Variants in SUSD1 observed in about 807,000 individuals in gnomAD.
The protein encoded by SUSD1 is sushi domain containing 1.
SUSD1 carries 65 observed loss-of-function variants against 86.9 expected under a neutral mutation model. The observed-to-expected ratio is 0.75, with a 90% CI of 0.61 to 0.92. The LOEUF is 0.92. Ranked by LOEUF, SUSD1 falls within the 40% of genes least tolerant of loss-of-function variation. The pLI is 0.00. For missense variants in SUSD1, 850 were observed against 929.7 expected (o/e 0.91, Z 1.11); for synonymous variants, 346 against 350.0 (o/e 0.99, Z 0.13).
chr9:112,157,444 A>C, intron 2 of SUSD1, 56 bp downstream of exon 2: 7 of 1,274,438 alleles, frequency 5.5e-6, no homozygotes, highest in Non-Finnish European at 7.9e-6. Context: ...CTTTAATACA[A>C]GAGAATCTTG....
intron 12 of SUSD1, among the ~76,000 whole-genome samples, chr9:112,068,610 G>C (rs796538715): frequency 1.5e-4 from 23 of 151,920 alleles, no homozygotes; most frequent in African/African-American, 5.6e-4. Flanking sequence ...GCCAAGGTGG[G>C]AGGATTGCTT....
chr9:112,082,735 T>G (rs1041272714), intron 10 of SUSD1, among the ~76,000 whole-genome samples: 8 of 152,148 alleles, frequency 5.3e-5, no homozygotes, highest in Non-Finnish European at 1.0e-4. Flanking sequence ...TTTGTTTTTT[T>G]GAGACAGGGT....
intron 14 of SUSD1, among the ~76,000 whole-genome samples, 196 bp downstream of exon 14, chr9:112,058,232 C>T (rs1210943757): frequency 6.6e-6 from 1 of 152,148 alleles, no homozygotes; most frequent in African/African-American, 2.4e-5. Flanking sequence ...CAGCAAGGTC[C>T]CCAGGTGGTT....
intron 6 of SUSD1, among the ~76,000 whole-genome samples, chr9:112,114,688 T>C (rs1158142138): frequency 6.6e-6 from 1 of 152,182 alleles, no homozygotes; most frequent in Non-Finnish European, 1.5e-5. Flanking sequence ...GGATGGGTTT[T>C]GACAACATGA....
chr9:112,114,556 T>A (rs1037171259), intron 6 of SUSD1, among the ~76,000 whole-genome samples: 2 of 152,142 alleles, frequency 1.3e-5, no homozygotes, highest in East Asian at 3.8e-4. Context: ...CCAGAGAAAG[T>A]TGTCCTCATG....
At chr9:112,088,919 C>T (rs1486089742) in intron 10 of SUSD1, among the ~76,000 whole-genome samples, 1 of 152,110 alleles carries the variant, frequency 6.6e-6, no homozygotes, top group East Asian at 1.9e-4. Flanking sequence ...CCAGCATGGG[C>T]AACAAAGAGA....
chr9:112,165,894 AAAGAAAGG>A lies in SUSD1; in HGVS notation c.104-8289_104-8282del, dbSNP rs1278722874. Among the ~76,000 whole-genome samples, 14 of 124,376 alleles carry A rather than the reference AAAGAAAGG, an allele frequency of 1.1e-4. 1 individual carries two copies. Among genetic ancestry groups the A allele is most frequent in the South Asian group, 7.9e-4 (3 of 3,786 alleles). 81.6% of individuals were successfully genotyped at this position (124,376 alleles called of 152,430 possible). Reference sequence around the variant, plus strand: ...GGAAGAAAGAGAAAGAAAAAGAAAGAAAGAAAGGAAGGAAGGAAGGAAGAAAGAAAAGA... The same window carrying A: ...GGAAGAAAGAGAAAGAAAAAGAAAGAAAGGAAGGAAGGAAGAAAGAAAAGA... On this transcript the variant is annotated intron_variant, in intron 1 of 16. Transcript: ENST00000374270.
rs750066347 is a variant in SUSD1, at chr9:112,143,505, A to G, written c.492T>C (p.Pro164=). ...ATGTGGCATCGGTGGTCGGGTGGAAAGGTTCAGGTCCATTCCTTGGCAAGT... is the reference window on the plus strand; with the variant it reads ...ATGTGGCATCGGTGGTCGGGTGGAAGGGTTCAGGTCCATTCCTTGGCAAGT... ...DGYLPRNGPE[P]FHPTTDATSC... Residue 164 remains proline, a synonymous_variant, in exon 4 of 17, where the codon CCT becomes CCC. Transcript: ENST00000374270. 2.2e-5 allele frequency: 36 copies of G among 1,613,852 alleles called. No individual in the cohort carries two copies. The highest frequency in any genetic ancestry group is 3.0e-5 in the Non-Finnish European group (35 of 1,179,962).
At chr9:112,174,194 A>T (rs1259719537) in intron 1 of SUSD1, among the ~76,000 whole-genome samples, 1 of 152,008 alleles carries the variant, frequency 6.6e-6, no homozygotes, top group Non-Finnish European at 1.5e-5. Flanking sequence ...TTCTACACTC[A>T]TTTGTGGAGA....
chr9:112,078,653 G>T lies in SUSD1; in HGVS notation c.1638C>A (p.Ser546Arg). The T allele has an allele frequency of 6.2e-7, 1 of 1,614,080 alleles. No individual in the cohort carries two copies. The highest frequency in any genetic ancestry group is 8.5e-7 in the Non-Finnish European group (1 of 1,179,994). ...CCAAGCACACCTCGGGATCTCGGCTGCTGCTACTGATATTAAAGGTCATTT... is the reference window on the plus strand; with the variant it reads ...CCAAGCACACCTCGGGATCTCGGCTTCTGCTACTGATATTAAAGGTCATTT... ...AQEMTFNISS[S>R]SRDPEVCLDL... The change falls in exon 12 of 17, where the codon AGC becomes AGA. Residue 546 changes from serine to arginine, a missense_variant. Transcript: ENST00000374270.
rs16916609 is a variant in SUSD1, at chr9:112,045,536, A to T, written c.2150-3576T>A. ...TATGCGTGCCATATTTCCCTGACCAATTACTGACTCTGTGCAAGAAGAAAT... is the reference window on the plus strand; with the variant it reads ...TATGCGTGCCATATTTCCCTGACCATTTACTGACTCTGTGCAAGAAGAAAT... On this transcript the variant is annotated intron_variant, in intron 15 of 16. Transcript: ENST00000374270. Among the ~76,000 whole-genome samples, 1,085 of 129,082 alleles carry T rather than the reference A, an allele frequency of 8.4e-3. 18 individuals are homozygous for T. Among genetic ancestry groups the T allele is most frequent in the African/African-American group, 0.034 (1,020 of 29,864 alleles). 84.7% of individuals were successfully genotyped at this position (129,082 alleles called of 152,430 possible).
intron 3 of SUSD1, among the ~76,000 whole-genome samples, chr9:112,145,816 G>C (rs911959401): frequency 6.6e-6 from 1 of 152,080 alleles, no homozygotes; most frequent in Non-Finnish European, 1.5e-5. Flanking sequence ...TTCTTCTCCT[G>C]GGTTGTGGCT....
chr9:112,100,889 C>CACACACACACAA (rs1203578451), intron 9 of SUSD1, among the ~76,000 whole-genome samples: 1 of 149,124 alleles, frequency 6.7e-6, no homozygotes, highest in Non-Finnish European at 1.5e-5. Flanking sequence ...CACACACACA[C>CACACACACACAA]AAATAAAATC....
At chr9:112,077,498 A>AC (rs1829568408) in intron 12 of SUSD1, among the ~76,000 whole-genome samples, 1 of 100,572 alleles carries the variant, frequency 9.9e-6, no homozygotes, top group East Asian at 3.1e-4. Flanking sequence ...ATAGTAATCT[A>AC]CTTTTTTTTT....
intron 5 of SUSD1, among the ~76,000 whole-genome samples, chr9:112,126,259 C>G (rs1831768389): frequency 6.6e-6 from 1 of 152,106 alleles, no homozygotes; most frequent in African/African-American, 2.4e-5. Context: ...TTCATGTACA[C>G]TGAAGGTGGA....
intron 10 of SUSD1, among the ~76,000 whole-genome samples, chr9:112,095,298 CG>C (rs1830350404): frequency 6.6e-6 from 1 of 152,112 alleles, no homozygotes; most frequent in Non-Finnish European, 1.5e-5. Flanking sequence ...GCAATAAAGA[CG>C]GAACAGAAAC....
chr9:112,049,856 C>T (rs1828113480), intron 15 of SUSD1, among the ~76,000 whole-genome samples: 1 of 152,190 alleles, frequency 6.6e-6, no homozygotes, highest in African/African-American at 2.4e-5. Flanking sequence ...GGCTCAAACT[C>T]TCCTTCAATA....
intron 15 of SUSD1, among the ~76,000 whole-genome samples, chr9:112,043,258 A>G (rs1470759243): frequency 6.6e-6 from 1 of 152,238 alleles, no homozygotes; most frequent in East Asian, 1.9e-4. Flanking sequence ...TAGGGCTAAC[A>G]TCACTATTGT....
intron 1 of SUSD1, among the ~76,000 whole-genome samples, chr9:112,166,673 G>T (rs1833839903): frequency 6.6e-6 from 1 of 152,130 alleles, no homozygotes; most frequent in African/African-American, 2.4e-5. Context: ...AGATCACTAG[G>T]GCTTTGCTAG....
Sources: allele counts gnomAD v4.1 joint callset (sites outside exome capture counted in the v4.1 genomes callset), GRCh38; gene constraint gnomAD v4.1.1; transcripts MANE v1.5; gene names NCBI Gene and HGNC (gene_info 2026-07-23, HGNC 2026-07-21).